Variants in OSBPL6 observed in about 807,000 individuals in gnomAD.
OSBPL6 encodes oxysterol-binding protein-related protein 6.
Under a neutral mutation model 125.8 loss-of-function variants are expected in OSBPL6, and 49 were observed. That is an observed-to-expected ratio of 0.39 (90% confidence interval 0.31 to 0.49). The LOEUF is 0.49. OSBPL6 is among the 20% of genes least tolerant of loss of function. The probability of loss-of-function intolerance (pLI) is 0.88; values close to 1 mark genes in which losing one functional copy is unlikely to be tolerated. For synonymous variants in OSBPL6, 394 were observed against 391.8 expected, an observed-to-expected ratio of 1.01 and a Z score of -0.07; for missense variants, 986 against 1,135.4, an observed-to-expected ratio of 0.87 and a Z score of 1.89.
At chr2:178,391,655 A>G (rs567746938) in intron 22 of OSBPL6, among the ~76,000 whole-genome samples, 15 of 152,262 alleles carry the variant, frequency 9.9e-5, no homozygotes, top group Non-Finnish European at 1.9e-4. Flanking sequence ...TAATCTTTTC[A>G]CTTGAGCCTC....
chr2:178,311,856 C>A (rs1687300388), intron 3 of OSBPL6, among the ~76,000 whole-genome samples: 1 of 152,198 alleles, frequency 6.6e-6, no homozygotes, highest in Non-Finnish European at 1.5e-5. Context: ...TAAGTGGAAT[C>A]ATGTGAAGGA....
At chr2:178,291,468 A>C (rs1685254766) in intron 2 of OSBPL6, among the ~76,000 whole-genome samples, 1 of 152,280 alleles carries the variant, frequency 6.6e-6, no homozygotes, top group South Asian at 2.1e-4. Context: ...AAGGTGTTCC[A>C]GTGTTTTTAT....
At chr2:178,238,376 G>T (rs1243976025) in intron 1 of OSBPL6, among the ~76,000 whole-genome samples, 1 of 152,128 alleles carries the variant, frequency 6.6e-6, no homozygotes, top group Non-Finnish European at 1.5e-5. Flanking sequence ...GATGGTCATG[G>T]TATCGCAGTG....
chr2:178,317,352 G>A (rs1261172034), intron 3 of OSBPL6, among the ~76,000 whole-genome samples: 1 of 149,644 alleles, frequency 6.7e-6, no homozygotes, highest in East Asian at 1.9e-4. Context: ...GAGGCATGAG[G>A]TGGGTCACCT....
At chr2:178,339,844 T>C in intron 11 of OSBPL6, 80 bp downstream of exon 11, 1 of 981,714 alleles carries the variant, frequency 1.0e-6, no homozygotes. Context: ...TTATGGGCGT[T>C]AGATTGAAAG....
intron 15 of OSBPL6, among the ~76,000 whole-genome samples, chr2:178,380,105 T>C (rs570409016): frequency 1.7e-4 from 26 of 151,900 alleles, no homozygotes; most frequent in African/African-American, 5.8e-4. Flanking sequence ...AACTGAAAAA[T>C]GTGTGAAAGA....
At chr2:178,312,725 G>A (rs151203795) in intron 3 of OSBPL6, among the ~76,000 whole-genome samples, 52 of 151,386 alleles carry the variant, frequency 3.4e-4, no homozygotes, top group African/African-American at 1.3e-3. Context: ...CAAAGTGCTG[G>A]GATTTCAGGC....
At chr2:178,205,878 A>G (rs983801926) in intron 1 of OSBPL6, among the ~76,000 whole-genome samples, 1 of 152,242 alleles carries the variant, frequency 6.6e-6, no homozygotes, top group African/African-American at 2.4e-5. Context: ...TAGAATGATC[A>G]TTTGTCACAC....
chr2:178,259,123 T>C (rs2154012956), intron 1 of OSBPL6, among the ~76,000 whole-genome samples: 1 of 152,324 alleles, frequency 6.6e-6, no homozygotes, highest in Non-Finnish European at 1.5e-5. Context: ...AGATGCCACA[T>C]TGTGAAGTAG....
At chr2:178,210,944 A>T (rs1286463828) in intron 1 of OSBPL6, among the ~76,000 whole-genome samples, 1 of 152,092 alleles carries the variant, frequency 6.6e-6, no homozygotes, top group African/African-American at 2.4e-5. Context: ...GTATCTTGCT[A>T]TATTCGTGTA....
intron 1 of OSBPL6, among the ~76,000 whole-genome samples, chr2:178,251,347 G>A (rs1349393959): frequency 3.3e-5 from 5 of 151,914 alleles, no homozygotes; most frequent in Admixed American, 1.3e-4. Flanking sequence ...ACTTAGCAAC[G>A]GTTACTATGG....
In OSBPL6 at chr2:178,396,928, TG is replaced by T. The variant is rs973064904; in HGVS notation, c.*1370del. The T allele has an allele frequency of 4.6e-5, 7 of 152,242 alleles. No homozygotes were observed. Among genetic ancestry groups the T allele is most frequent in the South Asian group, 2.1e-4 (1 of 4,836 alleles). The allele number at this position is 152,242 out of a possible 1,614,324, so 9.4% of individuals were successfully genotyped here. On this transcript the variant is annotated 3_prime_UTR_variant, in exon 25 of 25. Coordinates refer to ENST00000190611, the MANE Select transcript of OSBPL6 (RefSeq NM_032523.4). ...GTAGGTGACTATATAAATGCCTGTATGTTTTTTTTAAAATATCTCCTCAGAG... is the reference window on the plus strand; with the variant it reads ...GTAGGTGACTATATAAATGCCTGTATTTTTTTTTAAAATATCTCCTCAGAG...
chr2:178,350,530 C>A (rs892899376), intron 12 of OSBPL6, among the ~76,000 whole-genome samples: 1 of 152,262 alleles, frequency 6.6e-6, no homozygotes, highest in Non-Finnish European at 1.5e-5. Flanking sequence ...CTCAAACCAT[C>A]CGCAAAAATA....
intron 24 of OSBPL6, among the ~76,000 whole-genome samples, chr2:178,394,803 T>C (rs1251651154): frequency 1.3e-5 from 2 of 152,176 alleles, no homozygotes; most frequent in African/African-American, 4.8e-5. Context: ...ATTTTATTTC[T>C]ATCACACAAA....
At chr2:178,322,861 G>A (rs1389138594) in intron 3 of OSBPL6, among the ~76,000 whole-genome samples, 4 of 149,000 alleles carry the variant, frequency 2.7e-5, no homozygotes, top group African/African-American at 7.4e-5. Flanking sequence ...AGTGACACTC[G>A]TATCTTTGAT....
At chr2:178,344,490 C>A in intron 11 of OSBPL6, 1 of 800,514 alleles carries the variant, frequency 1.2e-6, no homozygotes, top group Non-Finnish European at 2.0e-6. Context: ...GGCAGCATAG[C>A]TTTCACATGT....
chr2:178,362,967 C>T (rs547942766), intron 13 of OSBPL6, among the ~76,000 whole-genome samples: 24 of 152,254 alleles, frequency 1.6e-4, no homozygotes, highest in African/African-American at 5.1e-4. Context: ...ATGGATCGGT[C>T]GAACACTCAG....
At chr2:178,332,484 C>T (rs919698059) in intron 6 of OSBPL6, among the ~76,000 whole-genome samples, 157 bp from the exon 7 acceptor site, 2 of 152,150 alleles carry the variant, frequency 1.3e-5, no homozygotes, top group Non-Finnish European at 2.9e-5. Context: ...AGAACCTAAT[C>T]CATAGAACCT....
intron 2 of OSBPL6, among the ~76,000 whole-genome samples, chr2:178,294,134 C>G (rs907431573): frequency 2.6e-5 from 4 of 152,064 alleles, no homozygotes; most frequent in African/African-American, 9.7e-5. Context: ...TCACCATGTG[C>G]ACATTGACTG....
Sources: gnomAD v4.1 joint callset for allele counts (sites outside exome capture counted in the v4.1 genomes callset) on GRCh38, gnomAD v4.1.1 for gene constraint, MANE v1.5 for transcripts, NCBI Gene and HGNC (gene_info 2026-07-23, HGNC 2026-07-21) for gene names.